The following MAP2K5 variants were observed in gnomAD, a reference collection of about 807,000 sequenced individuals.
MAP2K5 encodes dual specificity mitogen-activated protein kinase kinase 5.
MAP2K5 carries 49 observed loss-of-function variants against 83.1 expected under a neutral mutation model. The observed-to-expected ratio is 0.59, with a 90% CI of 0.47 to 0.75. The LOEUF is 0.75. Ranked by LOEUF, MAP2K5 falls within the 30% of genes least tolerant of loss-of-function variation. The probability of loss-of-function intolerance (pLI) is 0.00; values close to 1 mark genes in which losing one functional copy is unlikely to be tolerated. For missense variants in MAP2K5, 457 were observed against 557.5 expected (o/e 0.82, Z 1.82); for synonymous variants, 202 against 191.8 (o/e 1.05, Z -0.44).
rs116730705 is a variant in MAP2K5, at chr15:67,683,717, G to A, written c.848-8762G>A. ...GGAGGTGGCAGTGAGCCGAGATCGC[G>A]CCATTGCACTTTAGCCTGGGTGACA... On this transcript the variant is annotated intron_variant, in intron 13 of 21. Coordinates refer to ENST00000178640, the MANE Select transcript of MAP2K5 (RefSeq NM_145160.3). Among the ~76,000 whole-genome samples, 1,303 of 152,144 alleles carry A rather than the reference G, an allele frequency of 8.6e-3. 20 individuals are homozygous for A. Among genetic ancestry groups the A allele is most frequent in the African/African-American group, 0.029 (1,184 of 41,526 alleles).
rs910371831 is a variant in MAP2K5, at chr15:67,708,947, C to T, written c.1044+5539C>T. 2.0e-5 allele frequency among the ~76,000 whole-genome samples: 3 copies of T among 152,130 alleles called. No individual in the cohort carries two copies. The highest frequency in any genetic ancestry group is 4.4e-5 in the Non-Finnish European group (3 of 68,030). On this transcript the variant is annotated intron_variant, in intron 16 of 21. Transcript: ENST00000178640. The surrounding 1 kb of genome is among the most constrained non-coding windows in gnomAD (Gnocchi z 4.9). ...TTGGTGGGGTAAAGGACATCTCTTC[C>T]AGGTTTTTGTCAACTGAATGTAGTA...
chr15:67,633,135 G>T (rs1360049308), intron 9 of MAP2K5, among the ~76,000 whole-genome samples: 1 of 152,138 alleles, frequency 6.6e-6, no homozygotes, highest in Non-Finnish European at 1.5e-5. Context: ...TACCACCTTG[G>T]TTCTCACTGA....
chr15:67,723,006 A>G lies in MAP2K5; in HGVS notation c.1045-4910A>G, dbSNP rs112024503. 9.4e-3 allele frequency among the ~76,000 whole-genome samples: 1,433 copies of G among 152,240 alleles called. 24 individuals are homozygous for G. Among genetic ancestry groups the G allele is most frequent in the African/African-American group, 0.033 (1,377 of 41,546 alleles). On this transcript the variant is annotated intron_variant, in intron 16 of 21. Transcript: ENST00000178640. ...AAAAAATCCAGTGCTCTTCAGTAGA[A>G]CTGTAAATTTAAAACTACTCCCACA... is the stretch of plus-strand genomic sequence containing the variant.
At chr15:67,728,186 C>T (rs1035508533) in intron 17 of MAP2K5, among the ~76,000 whole-genome samples, 2 of 151,822 alleles carry the variant, frequency 1.3e-5, no homozygotes, top group African/African-American at 2.4e-5. Context: ...GTGTGACATT[C>T]GGGATTGTTT....
In MAP2K5 at chr15:67,604,991, A is replaced by C. The variant is rs541411528; in HGVS notation, c.545+4242A>C. On this transcript the variant is annotated intron_variant, in intron 8 of 21. Transcript: ENST00000178640. ...TTAAATGTTAACTACTGGTAATGGT[A>C]GTACTAATAATAGAAAAATTATTTA... 7.9e-5 allele frequency among the ~76,000 whole-genome samples: 12 copies of C among 152,250 alleles called. No homozygotes were observed. In the South Asian group the frequency reaches 1.5e-3, roughly 18 times the overall value.
At chr15:67,622,294 C>G (rs1377314735) in intron 8 of MAP2K5, among the ~76,000 whole-genome samples, 1 of 152,086 alleles carries the variant, frequency 6.6e-6, no homozygotes, top group Non-Finnish European at 1.5e-5. Flanking sequence ...GCCCAGCCCT[C>G]AGGAGTAGGT....
At chr15:67,684,998 C>G (rs1372255493) in intron 13 of MAP2K5, among the ~76,000 whole-genome samples, 1 of 151,884 alleles carries the variant, frequency 6.6e-6, no homozygotes, top group Admixed American at 6.6e-5. Flanking sequence ...TAAGTGGAGT[C>G]TCAAAAGAAG....
chr15:67,585,685 A>G, intron 4 of MAP2K5: 1 of 531,744 alleles, frequency 1.9e-6, no homozygotes, highest in Non-Finnish European at 3.4e-6. Context: ...AGGTGGTGTC[A>G]GAAAGCTCTT....
At chr15:67,620,382 A>C (rs1261492602) in intron 8 of MAP2K5, among the ~76,000 whole-genome samples, 1 of 152,222 alleles carries the variant, frequency 6.6e-6, no homozygotes, top group African/African-American at 2.4e-5. Context: ...GAACAGAAAC[A>C]AAAACAAAAA....
intron 21 of MAP2K5, among the ~76,000 whole-genome samples, chr15:67,804,805 A>AG (rs1647540770): frequency 6.6e-6 from 1 of 152,120 alleles, no homozygotes; most frequent in Non-Finnish European, 1.5e-5. Context: ...GAGCCTCCTG[A>AG]GAGGAAGTGT....
chr15:67,614,554 C>A (rs1426557418), intron 8 of MAP2K5, among the ~76,000 whole-genome samples: 1 of 152,176 alleles, frequency 6.6e-6, no homozygotes, highest in African/African-American at 2.4e-5. Context: ...CTTTATATCT[C>A]TTGCTTCTCT....
At chr15:67,675,154 T>G (rs1300758891) in intron 13 of MAP2K5, among the ~76,000 whole-genome samples, 1 of 152,210 alleles carries the variant, frequency 6.6e-6, no homozygotes, top group Non-Finnish European at 1.5e-5. Context: ...CGCAAGTGTT[T>G]ATTGCAGCTC....
intron 12 of MAP2K5, among the ~76,000 whole-genome samples, chr15:67,662,780 A>G (rs1471295208): frequency 6.6e-6 from 1 of 152,126 alleles, no homozygotes; most frequent in Admixed American, 6.6e-5. Flanking sequence ...AAAAATGCAA[A>G]TCTAATTCAG....
At chr15:67,763,037 A>C (rs1176432648) in intron 19 of MAP2K5, among the ~76,000 whole-genome samples, 1 of 152,182 alleles carries the variant, frequency 6.6e-6, no homozygotes, top group African/African-American at 2.4e-5. Context: ...AAATTGAATC[A>C]TCTTTCACTT....
chr15:67,757,407 A>G lies in MAP2K5; in HGVS notation c.1134+8806A>G, dbSNP rs1014918523. On this transcript the variant is annotated intron_variant, in intron 19 of 21. Coordinates refer to ENST00000178640, the MANE Select transcript of MAP2K5 (RefSeq NM_145160.3). This position sits in a 1 kb window ranked among gnomAD's most constrained non-coding sequence, Gnocchi z 4.9. ...TATGTTGCTCAAAAACCCAACCTAT[A>G]AAATAGATGAACATGAAGCTATTTT... Among the ~76,000 whole-genome samples, 2 of 152,222 alleles carry G rather than the reference A, an allele frequency of 1.3e-5. No homozygotes were observed. The highest frequency in any genetic ancestry group is 4.8e-5 in the African/African-American group (2 of 41,468).
At chr15:67,673,917 C>T (rs1596769636) in intron 13 of MAP2K5, among the ~76,000 whole-genome samples, 2 of 152,088 alleles carry the variant, frequency 1.3e-5, no homozygotes, top group East Asian at 1.9e-4. Context: ...GGCACAATCT[C>T]GGCTCACTGC....
intron 8 of MAP2K5, among the ~76,000 whole-genome samples, chr15:67,618,721 T>C (rs1026638647): frequency 6.6e-6 from 1 of 152,236 alleles, no homozygotes; most frequent in Non-Finnish European, 1.5e-5. Context: ...ATGTATACCT[T>C]TACCCACAAA....
At chr15:67,589,249 A>AT (rs1182970696) in intron 6 of MAP2K5, among the ~76,000 whole-genome samples, 5 of 151,982 alleles carry the variant, frequency 3.3e-5, no homozygotes, top group African/African-American at 9.7e-5. Context: ...CCAGGATACA[A>AT]TTTTTTCTTT....
At chr15:67,610,249 G>A (rs2085888551) in intron 8 of MAP2K5, among the ~76,000 whole-genome samples, 1 of 152,108 alleles carries the variant, frequency 6.6e-6, no homozygotes, top group Non-Finnish European at 1.5e-5. Flanking sequence ...AGGCTTTTTA[G>A]TAGATGTTAA....
Sources: allele counts gnomAD v4.1 joint callset (sites outside exome capture counted in the v4.1 genomes callset), GRCh38; gene constraint gnomAD v4.1.1; non-coding constraint Gnocchi (gnomAD v3.1); transcripts MANE v1.5; gene names NCBI Gene and HGNC (gene_info 2026-07-23, HGNC 2026-07-21).